NTNG2: variants seen among roughly 807,000 people sequenced by gnomAD.
NTNG2 encodes the protein netrin G2.
Under a neutral mutation model 47.6 loss-of-function variants are expected in NTNG2, and 15 were observed. The observed-to-expected ratio is 0.32, with a 90% CI of 0.21 to 0.49. NTNG2 has a LOEUF of 0.49. NTNG2 is among the 20% of genes least tolerant of loss of function. The pLI, the probability that NTNG2 is intolerant of heterozygous loss-of-function variation, is 0.99. For synonymous variants in NTNG2, 307 were observed against 324.6 expected (o/e 0.95, Z 0.58); for missense variants, 578 against 764.6 (o/e 0.76, Z 2.88).
Position 132,233,285 on chromosome 9 carries a change from GCA to G in NTNG2, c.1054+2701_1054+2702del, listed in dbSNP as rs375746278. The G allele has an allele frequency of 3.9e-5, 6 of 152,278 alleles. No individual in the cohort carries two copies. The East Asian group carries it at 9.7e-4, about 25-fold the overall frequency. 9.4% of individuals were successfully genotyped at this position (152,278 alleles called of 1,614,324 possible). A position where few individuals can be genotyped will look rare whatever the true frequency, so the allele number is the denominator to read the frequency against. ...ATATCACATGTGCAAGTGCACACAT[GCA>G]CACACACACATGCATGCACACACAC... On this transcript the variant is annotated intron_variant, in intron 5 of 7. Transcript: ENST00000393229.
intron 2 of NTNG2, among the ~76,000 whole-genome samples, chr9:132,191,312 G>A (rs1837870500): frequency 6.6e-6 from 1 of 152,156 alleles, no homozygotes; most frequent in South Asian, 2.1e-4. Flanking sequence ...GCTGGGAGTG[G>A]AGTGTCCCTG....
chr9:132,239,712 C>T (rs766066086), intron 6 of NTNG2, among the ~76,000 whole-genome samples: 1 of 152,234 alleles, frequency 6.6e-6, no homozygotes, highest in Non-Finnish European at 1.5e-5. Flanking sequence ...TGCAGGGGCC[C>T]AGTTGGGGGC....
chr9:132,192,715 G>A (rs918019212), intron 2 of NTNG2, among the ~76,000 whole-genome samples: 4 of 152,218 alleles, frequency 2.6e-5, no homozygotes, highest in Non-Finnish European at 4.4e-5. Context: ...CCACACTCCT[G>A]ACCAGCTCAG....
At chr9:132,164,874 C>T (rs1221475609) in intron 1 of NTNG2, among the ~76,000 whole-genome samples, 1 of 152,210 alleles carries the variant, frequency 6.6e-6, no homozygotes, top group Non-Finnish European at 1.5e-5. Context: ...TGCTCCGAGC[C>T]TGAGGTGCTC....
At chr9:132,219,557 A>G (rs1324821526) in intron 3 of NTNG2, among the ~76,000 whole-genome samples, 2 of 144,118 alleles carry the variant, frequency 1.4e-5, no homozygotes, top group Non-Finnish European at 3.0e-5. Flanking sequence ...TGGGTGACAG[A>G]GCAAGACTCT....
At chr9:132,240,155 T>C (rs1478082455) in intron 6 of NTNG2, among the ~76,000 whole-genome samples, 1 of 152,268 alleles carries the variant, frequency 6.6e-6, no homozygotes, top group Non-Finnish European at 1.5e-5. Context: ...CAGGAGGCTC[T>C]GGCTGCCCAG....
At position 132,176,048 on chromosome 9, in the gene NTNG2, A is replaced by C. The variant is rs115836355; in HGVS notation, c.213+9004A>C. ...GGTGAAGTTCACATAACATAAAATT[A>C]ACCAGTTAAACAACGTTTTGGTGGG... On this transcript the variant is annotated intron_variant, in intron 2 of 7. Coordinates refer to ENST00000393229, the MANE Select transcript of NTNG2 (RefSeq NM_032536.4). 9.2e-3 allele frequency among the ~76,000 whole-genome samples: 1,400 copies of C among 152,288 alleles called. 22 individuals are homozygous for C. The highest frequency in any genetic ancestry group is 0.031 in the African/African-American group (1,297 of 41,550).
At chr9:132,194,989 A>G (rs1264367169) in intron 2 of NTNG2, among the ~76,000 whole-genome samples, 1 of 152,266 alleles carries the variant, frequency 6.6e-6, no homozygotes, top group Admixed American at 6.5e-5. Flanking sequence ...ACTTAGATCC[A>G]AGCCATTTTG....
rs1472256575 is a variant in NTNG2 at position 132,208,794 on chromosome 9, G to A, written c.857+10185G>A. Among the ~76,000 whole-genome samples, 23 of 151,974 alleles carry A rather than the reference G, an allele frequency of 1.5e-4. 1 individual carries two copies. The highest frequency in any genetic ancestry group is 1.5e-3 in the Admixed American group (23 of 15,266). Reference sequence around the variant, plus strand: ...TGGACCTTTTGGGGGTACAATTCTAGGAATTTTAGCACGTGGATAGAGTCA... The same window carrying A: ...TGGACCTTTTGGGGGTACAATTCTAAGAATTTTAGCACGTGGATAGAGTCA... On this transcript the variant is annotated intron_variant, in intron 3 of 7. Transcript: ENST00000393229. The surrounding 1 kb of genome is among the most constrained non-coding windows in gnomAD (Gnocchi z 4.0).
At chr9:132,186,160 C>T (rs1182649162) in intron 2 of NTNG2, among the ~76,000 whole-genome samples, 1 of 152,190 alleles carries the variant, frequency 6.6e-6, no homozygotes, top group East Asian at 1.9e-4. Context: ...TATCTGCCTT[C>T]TGTGGTAATG....
At position 132,163,325 on chromosome 9, in the gene NTNG2, G is replaced by T. The variant is rs1383226046; in HGVS notation, c.-484+1086G>T. Among the ~76,000 whole-genome samples, 2 of 150,756 alleles carry T rather than the reference G, an allele frequency of 1.3e-5. No individual in the cohort carries two copies. The highest frequency in any genetic ancestry group is 3.0e-5 in the Non-Finnish European group (2 of 67,530). On this transcript the variant is annotated intron_variant, in intron 1 of 7. Transcript: ENST00000393229. The surrounding 1 kb of genome is among the most constrained non-coding windows in gnomAD (Gnocchi z 7.2). ...CGCCGGGACCCACCCGGGAGCTGCT[G>T]CTCGCGCCCCGCCTCCCGCGCCCAA...
At chr9:132,220,827 G>A (rs1474592078) in intron 3 of NTNG2, among the ~76,000 whole-genome samples, 2 of 151,530 alleles carry the variant, frequency 1.3e-5, no homozygotes, top group Non-Finnish European at 2.9e-5. Context: ...TGATGTGAAG[G>A]GTCCAACTTC....
At chr9:132,220,419 T>C (rs1840274970) in intron 3 of NTNG2, among the ~76,000 whole-genome samples, 1 of 152,080 alleles carries the variant, frequency 6.6e-6, no homozygotes, top group Non-Finnish European at 1.5e-5. Flanking sequence ...AAACCATTGC[T>C]TAATTCAAGG....
chr9:132,227,158 C>T (rs962371648), intron 4 of NTNG2, 137 bp downstream of exon 4: 1 of 948,016 alleles, frequency 1.1e-6, no homozygotes, highest in Admixed American at 3.2e-5. Flanking sequence ...TGCAAACGTG[C>T]ACACAGAAAC....
rs11243671 is a variant in NTNG2, at chr9:132,210,553, C to T, written c.857+11944C>T. 4.4e-4 allele frequency among the ~76,000 whole-genome samples: 67 copies of T among 152,330 alleles called. 1 individual carries two copies. The East Asian group carries it at 0.012, about 27-fold the overall frequency. On this transcript the variant is annotated intron_variant, in intron 3 of 7. Coordinates refer to ENST00000393229, the MANE Select transcript of NTNG2 (RefSeq NM_032536.4). ...GGAGAGTGCTGCTGCCAACAGCGGACGGGGGACTGAGCCCCACCCAGTTCT... is the reference window on the plus strand; with the variant it reads ...GGAGAGTGCTGCTGCCAACAGCGGATGGGGGACTGAGCCCCACCCAGTTCT...
intron 2 of NTNG2, among the ~76,000 whole-genome samples, chr9:132,186,026 A>G (rs867018705): frequency 6.6e-6 from 1 of 152,210 alleles, no homozygotes; most frequent in Non-Finnish European, 1.5e-5. Flanking sequence ...TCCTTTTTCT[A>G]ATCAATTAGA....
Position 132,231,599 on chromosome 9 carries a change from C to T in NTNG2, c.1054+1004C>T, listed in dbSNP as rs962318389. 5 of 300,844 alleles carry T rather than the reference C, an allele frequency of 1.7e-5. No individual in the cohort carries two copies. In the Admixed American group the frequency reaches 2.0e-4, roughly 12 times the overall value. The allele number at this position is 300,844 out of a possible 1,614,324, so 18.6% of individuals were successfully genotyped here. A position where few individuals can be genotyped will look rare whatever the true frequency, so the allele number is the denominator to read the frequency against. ...TTGCTTCTCTGTGGTGTCCCCACCC[C>T]GGCAACCCCCCAACCCTCTCTTGCT... On this transcript the variant is annotated intron_variant, in intron 5 of 7. Coordinates refer to ENST00000393229, the MANE Select transcript of NTNG2 (RefSeq NM_032536.4). This position sits in a 1 kb window ranked among gnomAD's most constrained non-coding sequence, Gnocchi z 4.1.
chr9:132,230,228 TAAGAG>T lies in NTNG2; in HGVS notation c.1031-343_1031-339del, dbSNP rs948836993. Among the ~76,000 whole-genome samples the T allele has an allele frequency of 4.7e-4, 71 of 152,138 alleles. 4 individuals are homozygous for T. Among genetic ancestry groups the T allele is most frequent in the South Asian group, 2.1e-4 (1 of 4,832 alleles). ...CACTGGAGGGCCCAAAAATCTGAAA[TAAGAG>T]GAGGAGTGCGTGTGAAGCTCCCAGT... On this transcript the variant is annotated intron_variant, in intron 4 of 7. Coordinates refer to ENST00000393229, the MANE Select transcript of NTNG2 (RefSeq NM_032536.4).
rs1382742920 is a variant in NTNG2, at chr9:132,198,154, C to A, written c.402C>A (p.Thr134=). 1.9e-6 allele frequency: 3 copies of A among 1,613,614 alleles called. No individual in the cohort carries two copies. The highest frequency in any genetic ancestry group is 2.7e-5 in the African/African-American group (2 of 74,930). The part of the protein sequence containing the change: ...TLSWNKTVEL[T]DDVVMTFEYG... ...CGTGGAACAAGACCGTGGAGCTGACCGACGACGTGGTGATGACCTTCGAGT... is the reference window on the plus strand; with the variant it reads ...CGTGGAACAAGACCGTGGAGCTGACAGACGACGTGGTGATGACCTTCGAGT... The change falls in exon 3 of 8, where the codon ACC becomes ACA. Residue 134 remains threonine (T), a synonymous_variant. Transcript: ENST00000393229.
Sources: allele counts gnomAD v4.1 joint callset (sites outside exome capture counted in the v4.1 genomes callset), GRCh38; gene constraint gnomAD v4.1.1; non-coding constraint Gnocchi (gnomAD v3.1); transcripts MANE v1.5; gene names NCBI Gene and HGNC (gene_info 2026-07-23, HGNC 2026-07-21).